Variants in PPP2R5C observed in about 807,000 individuals in gnomAD.
PPP2R5C encodes the protein protein phosphatase 2 regulatory subunit B'gamma, also known as serine/threonine-protein phosphatase 2A 56 kDa regulatory subunit gamma isoform.
PPP2R5C carries 7 observed loss-of-function variants against 68.9 expected under a neutral mutation model. That is an observed-to-expected ratio of 0.10 (90% confidence interval 0.06 to 0.19). The LOEUF (loss-of-function observed/expected upper bound fraction) is 0.19. Among genes scored for constraint, PPP2R5C ranks in the 10% least tolerant of loss-of-function variants. The pLI is 1.00. For synonymous variants in PPP2R5C, 210 were observed against 222.2 expected (o/e 0.95, Z 0.49); for missense variants, 348 against 641.3 (o/e 0.54, Z 4.94).
At chr14:101,785,936 G>A in intron 2 of PPP2R5C, 82 bp from the exon 3 acceptor site, 3 of 1,283,436 alleles carry the variant, frequency 2.3e-6, no homozygotes, top group Non-Finnish European at 3.1e-6. Flanking sequence ...TAAGACTCAT[G>A]TATATGTTTT....
At chr14:101,920,271 T>A (rs1309645917) in intron 13 of PPP2R5C, among the ~76,000 whole-genome samples, 5 of 152,192 alleles carry the variant, frequency 3.3e-5, no homozygotes, top group Non-Finnish European at 1.5e-5. Flanking sequence ...AACGTCCAAC[T>A]GCTTGGTCTG....
intron 13 of PPP2R5C, among the ~76,000 whole-genome samples, chr14:101,919,968 T>C (rs1221066239): frequency 3.0e-4 from 8 of 26,308 alleles, no homozygotes; most frequent in Non-Finnish European, 6.2e-4. Context: ...AAACTCCGTC[T>C]CAAAAAAAAA....
intron 6 of PPP2R5C, 89 bp from the exon 9 acceptor site, chr14:101,892,911 G>T (rs1045568991): frequency 1.7e-5 from 17 of 998,120 alleles, no homozygotes; most frequent in Non-Finnish European, 2.4e-5. Context: ...GGGTTTTGAT[G>T]GTGAAAACAA....
chr14:101,842,757 C>CTT (rs60913362), intron 1 of PPP2R5C, among the ~76,000 whole-genome samples: 1,825 of 137,828 alleles, frequency 0.013, 48 homozygotes, highest in African/African-American at 0.041. Flanking sequence ...TGTCTTTTTT[C>CTT]TTTTTTTTTT....
rs115530606 is a variant in PPP2R5C, at chr14:101,843,313, C to T, written c.95-13373C>T. 5.2e-3 allele frequency: 881 copies of T among 169,394 alleles called. 17 individuals are homozygous for T. Among genetic ancestry groups the T allele is most frequent in the African/African-American group, 0.02 (837 of 41,768 alleles). 10.5% of individuals were successfully genotyped at this position (169,394 alleles called of 1,614,324 possible). ...AAACATGGTAGGGAAAGTTCTCATT[C>T]TGCATTATAAAAAGGACTGCCAGAT... On this transcript the variant is annotated intron_variant, in intron 1 of 13. Transcript: ENST00000334743.
At chr14:101,775,724 C>G (rs2037384288) in intron 2 of PPP2R5C, among the ~76,000 whole-genome samples, 1 of 152,174 alleles carries the variant, frequency 6.6e-6, no homozygotes, top group Non-Finnish European at 1.5e-5. Context: ...AGCAGTCCAC[C>G]TACCCTGGCT....
At chr14:101,914,787 A>C (rs1437057718) in intron 12 of PPP2R5C, among the ~76,000 whole-genome samples, 1 of 152,214 alleles carries the variant, frequency 6.6e-6, no homozygotes, top group African/African-American at 2.4e-5. Flanking sequence ...AAAATCATGA[A>C]ACATTGGCAG....
chr14:101,823,914 C>G, intron 1 of PPP2R5C: 1 of 1,278,996 alleles, frequency 7.8e-7, no homozygotes, highest in Admixed American at 2.3e-5. Context: ...TCTAGAAAAA[C>G]AAGAGATGCA....
chr14:101,766,711 G>A (rs1242411881), intron 2 of PPP2R5C: 1 of 152,220 alleles, frequency 6.6e-6, no homozygotes, highest in East Asian at 1.9e-4. Flanking sequence ...TTCATAGGAA[G>A]TCTTAAGGAA....
At chr14:101,794,744 G>A (rs1347919887) in intron 3 of PPP2R5C, among the ~76,000 whole-genome samples, 1 of 152,142 alleles carries the variant, frequency 6.6e-6, no homozygotes, top group Admixed American at 6.5e-5. Context: ...CATCGCTCTT[G>A]TAAATAGAGT....
At chr14:101,771,057 C>T (rs971868479) in intron 2 of PPP2R5C, among the ~76,000 whole-genome samples, 5 of 152,226 alleles carry the variant, frequency 3.3e-5, no homozygotes, top group African/African-American at 1.2e-4. Flanking sequence ...TAAGCAGAGA[C>T]TCTCCAGTGC....
intron 2 of PPP2R5C, among the ~76,000 whole-genome samples, chr14:101,861,286 T>C (rs546448998): frequency 1.1e-3 from 161 of 152,268 alleles, no homozygotes; most frequent in Non-Finnish European, 1.9e-3. Flanking sequence ...GACCCCAAAT[T>C]AGGAAACGTA....
intron 2 of PPP2R5C, among the ~76,000 whole-genome samples, chr14:101,785,333 C>T (rs757469386): frequency 6.6e-6 from 1 of 152,096 alleles, no homozygotes; most frequent in Non-Finnish European, 1.5e-5. Context: ...ACTATGTTAC[C>T]GTTCTGGCAT....
chr14:101,791,446 C>T (rs1044070242), intron 3 of PPP2R5C, among the ~76,000 whole-genome samples: 1 of 152,082 alleles, frequency 6.6e-6, no homozygotes, highest in Non-Finnish European at 1.5e-5. Context: ...AAATAAAATA[C>T]AGTAAAAATA....
chr14:101,780,670 T>G (rs956569028), intron 2 of PPP2R5C, among the ~76,000 whole-genome samples: 5 of 152,224 alleles, frequency 3.3e-5, no homozygotes, highest in Non-Finnish European at 7.3e-5. Flanking sequence ...TCCTAAGAAC[T>G]GGTGGTTAGA....
intron 13 of PPP2R5C, among the ~76,000 whole-genome samples, chr14:101,922,672 A>G (rs2141209434): frequency 6.7e-6 from 1 of 149,276 alleles, no homozygotes; most frequent in East Asian, 2.0e-4. Flanking sequence ...AAAAAAAAAT[A>G]GCCAGGCATG....
intron 9 of PPP2R5C, among the ~76,000 whole-genome samples, chr14:101,905,410 G>A (rs966251677): frequency 1.3e-5 from 2 of 152,074 alleles, no homozygotes; most frequent in African/African-American, 2.4e-5. Context: ...TGTAATCCCA[G>A]CACTTTGGAA....
At chr14:101,863,727 C>T (rs1468218580) in intron 2 of PPP2R5C, among the ~76,000 whole-genome samples, 7 of 152,016 alleles carry the variant, frequency 4.6e-5, no homozygotes, top group Admixed American at 1.3e-4. Flanking sequence ...TGAAACCCCA[C>T]CTCTACTAAA....
At chr14:101,801,444 T>A (rs902466914) in intron 3 of PPP2R5C, among the ~76,000 whole-genome samples, 1 of 152,238 alleles carries the variant, frequency 6.6e-6, no homozygotes, top group Non-Finnish European at 1.5e-5. Context: ...TTATTTCTGA[T>A]TACACACTGC....
Sources: allele counts gnomAD v4.1 joint callset (sites outside exome capture counted in the v4.1 genomes callset), GRCh38; gene constraint gnomAD v4.1.1; transcripts MANE v1.5; gene names NCBI Gene and HGNC (gene_info 2026-07-23, HGNC 2026-07-21).